The following SLIT3 variants were observed in gnomAD, a reference collection of about 807,000 sequenced individuals.
The protein encoded by SLIT3 is slit guidance ligand 3, also known as slit homolog 3 protein.
In SLIT3, 68 loss-of-function variants were observed where a neutral mutation model predicts 184.0. The observed-to-expected ratio is 0.37, with a 90% CI of 0.30 to 0.45. SLIT3 has a LOEUF of 0.45. Ranked by LOEUF, SLIT3 falls within the 20% of genes least tolerant of loss-of-function variation. The pLI is 1.00. For synonymous variants in SLIT3, 831 were observed against 828.6 expected (o/e 1.00, Z -0.05); for missense variants, 1,707 against 2,026.0 (o/e 0.84, Z 3.02).
intron 4 of SLIT3, chr5:169,024,143 C>T (rs145268977): frequency 6.6e-6 from 1 of 152,376 alleles, no homozygotes; most frequent in East Asian, 1.9e-4. Flanking sequence ...GAGCCAGGAA[C>T]TTAATCCCAA....
At chr5:168,825,855 C>T (rs1757687073) in intron 6 of SLIT3, among the ~76,000 whole-genome samples, 1 of 152,190 alleles carries the variant, frequency 6.6e-6, no homozygotes, top group Admixed American at 6.5e-5. Flanking sequence ...ATTAGAAATG[C>T]CTCCAGGGCA....
At chr5:169,054,251 G>C (rs1003599011) in intron 4 of SLIT3, among the ~76,000 whole-genome samples, 2 of 146,162 alleles carry the variant, frequency 1.4e-5, no homozygotes, top group African/African-American at 5.0e-5. Context: ...GCAATGTGAA[G>C]ATAGAAGCGG....
In SLIT3 at chr5:169,301,002, T is replaced by C. The variant is rs1180656712; in HGVS notation, c.-293A>G. The C allele has an allele frequency of 6.2e-6, 1 of 160,348 alleles. No homozygotes were observed. The highest frequency in any genetic ancestry group is 1.3e-5 in the Non-Finnish European group (1 of 74,240). 9.9% of individuals were successfully genotyped at this position (160,348 alleles called of 1,614,324 possible). A position where few individuals can be genotyped will look rare whatever the true frequency, so the allele number is the denominator to read the frequency against. Reference sequence around the variant, plus strand: ...TGGCCCCGCTGGCCCGCGGGCCGGGTTGGGGACCTGGGGCGAGCGCAATGG... The same window carrying C: ...TGGCCCCGCTGGCCCGCGGGCCGGGCTGGGGACCTGGGGCGAGCGCAATGG... On this transcript the variant is annotated 5_prime_UTR_variant, in exon 1 of 36. Coordinates refer to ENST00000519560, the MANE Select transcript of SLIT3 (RefSeq NM_003062.4).
At chr5:169,083,939 A>G (rs922083974) in intron 4 of SLIT3, among the ~76,000 whole-genome samples, 2 of 152,092 alleles carry the variant, frequency 1.3e-5, no homozygotes, top group African/African-American at 4.8e-5. Flanking sequence ...CTGCTCTCTC[A>G]CAAGCCCTGT....
intron 4 of SLIT3, among the ~76,000 whole-genome samples, chr5:168,958,790 T>A (rs75816718): frequency 6.6e-6 from 1 of 152,266 alleles, no homozygotes; most frequent in East Asian, 1.9e-4. Flanking sequence ...AGGTGTCATG[T>A]GTACCGACAT....
At chr5:169,145,604 G>T (rs1388765574) in intron 4 of SLIT3, among the ~76,000 whole-genome samples, 2 of 152,168 alleles carry the variant, frequency 1.3e-5, no homozygotes, top group East Asian at 3.8e-4. Context: ...ACCTCAGATG[G>T]CTAAGAAACA....
At chr5:169,089,065 ACT>A (rs1759462960) in intron 4 of SLIT3, among the ~76,000 whole-genome samples, 2 of 138,452 alleles carry the variant, frequency 1.4e-5, no homozygotes, top group Non-Finnish European at 3.0e-5. Flanking sequence ...AGAAGTGCTG[ACT>A]CTGATTCTCC....
intron 4 of SLIT3, among the ~76,000 whole-genome samples, chr5:169,190,907 T>C (rs1464046838): frequency 6.6e-6 from 1 of 152,132 alleles, no homozygotes; most frequent in Non-Finnish European, 1.5e-5. Flanking sequence ...AAGAGGGCCA[T>C]TAAGAAAAAT....
chr5:169,238,460 G>C (rs1414305934), intron 3 of SLIT3, among the ~76,000 whole-genome samples: 1 of 150,366 alleles, frequency 6.7e-6, no homozygotes, highest in East Asian at 1.9e-4. Flanking sequence ...CCTTTATATG[G>C]GCTTCAATCA....
intron 34 of SLIT3, 140 bp downstream of exon 34, chr5:168,671,058 G>T: frequency 1.1e-6 from 1 of 924,080 alleles, no homozygotes; most frequent in Non-Finnish European, 1.6e-6. Flanking sequence ...GACCTCTTAA[G>T]CAGTTACACT....
At chr5:169,253,850 C>A (rs138957706) in intron 1 of SLIT3, among the ~76,000 whole-genome samples, 35 of 152,294 alleles carry the variant, frequency 2.3e-4, no homozygotes, top group African/African-American at 8.2e-4. Context: ...TTGTGGCTGA[C>A]AAATAGAATA....
chr5:169,237,778 T>C (rs1765254486), intron 3 of SLIT3, among the ~76,000 whole-genome samples: 2 of 152,232 alleles, frequency 1.3e-5, no homozygotes, highest in African/African-American at 4.8e-5. Flanking sequence ...CTGCTTACTG[T>C]TGAGTTTTTA....
chr5:169,135,683 G>A (rs1761477192), intron 4 of SLIT3, among the ~76,000 whole-genome samples: 1 of 152,106 alleles, frequency 6.6e-6, no homozygotes, highest in Admixed American at 6.5e-5. Flanking sequence ...TCTGTGGGAT[G>A]CACACAAAAA....
At chr5:169,113,993 G>T (rs1295188976) in intron 4 of SLIT3, among the ~76,000 whole-genome samples, 1 of 152,148 alleles carries the variant, frequency 6.6e-6, no homozygotes, top group Non-Finnish European at 1.5e-5. Flanking sequence ...TCAAGTGAAT[G>T]TGTGAGTGCA....
At chr5:169,234,989 G>T (rs1285287814) in intron 3 of SLIT3, among the ~76,000 whole-genome samples, 1 of 152,072 alleles carries the variant, frequency 6.6e-6, no homozygotes, top group African/African-American at 2.4e-5. Context: ...TAGTTTATTA[G>T]AACATATTTT....
intron 18 of SLIT3, among the ~76,000 whole-genome samples, chr5:168,750,911 G>C (rs1012066897): frequency 6.6e-6 from 1 of 152,102 alleles, no homozygotes; most frequent in Non-Finnish European, 1.5e-5. Context: ...GCAAGTTAGT[G>C]AATGACACAG....
intron 4 of SLIT3, among the ~76,000 whole-genome samples, chr5:169,044,591 G>GT: frequency 6.6e-6 from 1 of 151,722 alleles, no homozygotes; most frequent in East Asian, 1.9e-4. Flanking sequence ...GGAAGGTGGG[G>GT]GGGGGGATGG....
chr5:169,255,471 GT>G (rs1765923764), intron 1 of SLIT3, among the ~76,000 whole-genome samples: 1 of 151,958 alleles, frequency 6.6e-6, no homozygotes, highest in African/African-American at 2.4e-5. Context: ...AGTTTAAAAA[GT>G]AAAAAAAGTT....
At chr5:168,782,046 A>C (rs904618111) in intron 12 of SLIT3, among the ~76,000 whole-genome samples, 2 of 152,210 alleles carry the variant, frequency 1.3e-5, no homozygotes, top group African/African-American at 4.8e-5. Flanking sequence ...TATTATTAGC[A>C]GTAGTAAGTA....
Sources: gnomAD v4.1 joint callset for allele counts (sites outside exome capture counted in the v4.1 genomes callset) on GRCh38, gnomAD v4.1.1 for gene constraint, MANE v1.5 for transcripts, NCBI Gene and HGNC (gene_info 2026-07-23, HGNC 2026-07-21) for gene names.